The following UACA variants were observed in gnomAD, a reference collection of about 807,000 sequenced individuals.
UACA encodes uveal autoantigen with coiled-coil domains and ankyrin repeats, also known as nuclear membrane binding protein.
A neutral mutation model predicts 160.5 loss-of-function variants in UACA; 112 were observed. The observed-to-expected ratio is 0.70, with a 90% CI of 0.60 to 0.82. The LOEUF (loss-of-function observed/expected upper bound fraction) is 0.82, where lower values mean the gene tolerates loss of function less well. Ranked by LOEUF, UACA falls within the 40% of genes least tolerant of loss-of-function variation. UACA has a pLI of 0.00. For missense variants in UACA, 1,574 were observed against 1,614.6 expected, an observed-to-expected ratio of 0.97 and a Z score of 0.43; for synonymous variants, 557 against 568.4, an observed-to-expected ratio of 0.98 and a Z score of 0.29.
rs778704716 is a variant in UACA, at chr15:70,664,818, TA to T, written c.3961-5del. On this transcript the variant is annotated splice_region_variant and splice_polypyrimidine_tract_variant and intron_variant, in intron 16 of 18. Transcript: ENST00000322954. ...CATCATTAAGCAGTTCAGTTATCTTTAAAAAAATGTTGTAGGAGAAATATAT... is the reference window on the plus strand; with the variant it reads ...CATCATTAAGCAGTTCAGTTATCTTTAAAAAATGTTGTAGGAGAAATATAT... 6 of 1,606,132 alleles carry T rather than the reference TA, an allele frequency of 3.7e-6. No homozygotes were observed. The highest frequency in any genetic ancestry group is 1.8e-4 in the Middle Eastern group (1 of 5,530).
chr15:70,720,714 T>A (rs7164177), intron 1 of UACA, among the ~76,000 whole-genome samples: 30,261 of 152,132 alleles, frequency 0.2, 4,886 homozygotes, highest in African/African-American at 0.45. Flanking sequence ...CGAAGCAAAG[T>A]AAGTCAATAT....
intron 18 of UACA, among the ~76,000 whole-genome samples, chr15:70,658,183 G>C (rs1190017302): frequency 1.3e-5 from 2 of 152,064 alleles, no homozygotes; most frequent in African/African-American, 2.4e-5. Flanking sequence ...TTTGTAACTT[G>C]TTTTTTTATG....
At chr15:70,694,792 T>C (rs184613457) in intron 3 of UACA, among the ~76,000 whole-genome samples, 60 of 152,230 alleles carry the variant, frequency 3.9e-4, no homozygotes, top group Middle Eastern at 3.4e-3. Context: ...GCACTAGAAT[T>C]CAGGTCTCCA....
chr15:70,706,557 A>C lies in UACA; in HGVS notation c.79-6897T>G, dbSNP rs552908176. ...AAAAAACTCTAAAGATTACAGATACAAACATACTCATACACACAAACAAAA... is the reference window on the plus strand; with the variant it reads ...AAAAAACTCTAAAGATTACAGATACCAACATACTCATACACACAAACAAAA... On this transcript the variant is annotated intron_variant, in intron 1 of 18. Transcript: ENST00000322954. Among the ~76,000 whole-genome samples, 13 of 152,130 alleles carry C rather than the reference A, an allele frequency of 8.5e-5. No homozygotes were observed. In the East Asian group the frequency reaches 2.5e-3, roughly 29 times the overall value.
rs1442313589 is a variant in UACA at position 70,702,365 on chromosome 15, T to A, written c.79-2705A>T. 3 of 971,932 alleles carry A rather than the reference T, an allele frequency of 3.1e-6. No individual in the cohort carries two copies. In the African/African-American group the frequency reaches 5.3e-5, roughly 17 times the overall value. 60.2% of individuals were successfully genotyped at this position (971,932 alleles called of 1,614,324 possible). ...CAGCGTGGAGCCTGTCTCCCATTGG[T>A]TGAGTTCTACTTTAGATTCCATAGG... is the stretch of plus-strand genomic sequence containing the variant. On this transcript the variant is annotated intron_variant, in intron 1 of 18. Transcript: ENST00000322954.
chr15:70,678,765 A>C (rs1252609043), intron 10 of UACA, among the ~76,000 whole-genome samples: 1 of 152,152 alleles, frequency 6.6e-6, no homozygotes, highest in Non-Finnish European at 1.5e-5. Context: ...CTCTAAAATA[A>C]TCCTCATAAT....
At chr15:70,661,205 T>C (rs1364588450) in intron 17 of UACA, 2 of 152,222 alleles carry the variant, frequency 1.3e-5, no homozygotes, top group Non-Finnish European at 2.9e-5. Context: ...TACTCCCTTC[T>C]TTAAAAACTA....
chr15:70,701,763 G>A, intron 1 of UACA: 1 of 1,004,074 alleles, frequency 1.0e-6, no homozygotes, highest in Admixed American at 2.7e-5. Context: ...ACTTAATCAA[G>A]AAGAAAACAA....
intron 13 of UACA, among the ~76,000 whole-genome samples, chr15:70,673,678 C>T (rs1897212980): frequency 6.6e-6 from 1 of 152,136 alleles, no homozygotes; most frequent in Non-Finnish European, 1.5e-5. Flanking sequence ...AAATCAGTCT[C>T]ATTCTAAAAT....
At position 70,667,288 on chromosome 15, in the gene UACA, C is replaced by CT; in HGVS notation, c.3395dup (p.Glu1133GlyfsTer41). ...ACCTTTGCATACTCTTCAGTTCTTC[C>CT]TTTAGATTTTCAATTGTGCCATTAA... On this transcript the variant is annotated frameshift_variant, in exon 16 of 19. Transcript: ENST00000322954. LOFTEE classifies it high-confidence loss of function. 1 of 1,611,774 alleles carries CT rather than the reference C, an allele frequency of 6.2e-7. No homozygotes were observed. The highest frequency in any genetic ancestry group is 8.5e-7 in the Non-Finnish European group (1 of 1,179,510).
intron 17 of UACA, 66 bp from the exon 18 acceptor site, chr15:70,660,282 C>T: frequency 7.4e-7 from 1 of 1,351,490 alleles, no homozygotes; most frequent in Non-Finnish European, 1.1e-6. Context: ...TTGGACAATG[C>T]TCAGGCTTCA....
chr15:70,708,798 A>T (rs1898594360), intron 1 of UACA, among the ~76,000 whole-genome samples: 1 of 152,168 alleles, frequency 6.6e-6, no homozygotes, highest in Non-Finnish European at 1.5e-5. Context: ...ATACTAACAA[A>T]TATTAATTTT....
chr15:70,729,774 C>A (rs1357217779), intron 1 of UACA, among the ~76,000 whole-genome samples: 1 of 141,026 alleles, frequency 7.1e-6, no homozygotes, highest in African/African-American at 3.0e-5. Flanking sequence ...AGTGGTTCTC[C>A]CAGCACGCAG....
At chr15:70,675,674 A>C (rs1897283924) in intron 13 of UACA, among the ~76,000 whole-genome samples, 1 of 152,238 alleles carries the variant, frequency 6.6e-6, no homozygotes, top group African/African-American at 2.4e-5. Flanking sequence ...TGAGATTCAT[A>C]CATGTTTTAT....
At position 70,667,887 on chromosome 15, in the gene UACA, T is replaced by A. The variant is rs1315343704; in HGVS notation, c.2797A>T (p.Ser933Cys). The change falls in exon 16 of 19, where the codon AGC (serine) becomes TGC (cysteine). Residue 933 changes from serine (S) to cysteine (C), a missense_variant. Transcript: ENST00000322954. ...TTTCTCATGCTCTGACTTAGCGAGC[T>A]CATCTTTGCCTCGTGCTCTGCCAGG... ...ISLAEHEAKM[S>C]SLSQSMRKVQ... 1 of 1,614,076 alleles carries A rather than the reference T, an allele frequency of 6.2e-7. No homozygotes were observed.
At chr15:70,672,548 A>C (rs1897172478) in intron 13 of UACA, among the ~76,000 whole-genome samples, 1 of 152,232 alleles carries the variant, frequency 6.6e-6, no homozygotes, top group Admixed American at 6.5e-5. Flanking sequence ...TCAATCCATT[A>C]GTTAGGAAAT....
chr15:70,662,157 G>C (rs141171085), intron 17 of UACA, among the ~76,000 whole-genome samples: 1,643 of 152,280 alleles, frequency 0.011, 26 homozygotes, highest in African/African-American at 0.038. Flanking sequence ...AGCAACTTGA[G>C]CAAAGTCTCA....
At chr15:70,740,210 T>A (rs1034926224) in intron 1 of UACA, among the ~76,000 whole-genome samples, 6 of 152,192 alleles carry the variant, frequency 3.9e-5, no homozygotes, top group Admixed American at 1.3e-4. Flanking sequence ...TATTGTAAAT[T>A]GTAATCTTGT....
At chr15:70,682,601 G>C (rs905603958) in intron 9 of UACA, among the ~76,000 whole-genome samples, 157 bp downstream of exon 9, 1 of 151,380 alleles carries the variant, frequency 6.6e-6, no homozygotes, top group Non-Finnish European at 1.5e-5. Context: ...AGGACCTCAT[G>C]ATCTAAGTAT....
Sources: allele counts gnomAD v4.1 joint callset (sites outside exome capture counted in the v4.1 genomes callset), GRCh38; gene constraint gnomAD v4.1.1; transcripts MANE v1.5; gene names NCBI Gene and HGNC (gene_info 2026-07-23, HGNC 2026-07-21).